Variants in NAALADL2 observed in about 807,000 individuals in gnomAD.
NAALADL2 encodes the protein N-acetylated alpha-linked acidic dipeptidase like 2, also known as inactive N-acetylated-alpha-linked acidic dipeptidase-like protein 2.
NAALADL2 carries 76 observed loss-of-function variants against 87.2 expected under a neutral mutation model. The ratio of observed to expected loss-of-function variants is 0.87; its 90% confidence interval spans 0.72 to 1.05. The LOEUF (loss-of-function observed/expected upper bound fraction) is 1.05. NAALADL2 is among the 50% of genes least tolerant of loss of function. NAALADL2 has a pLI of 0.00. For missense variants in NAALADL2, 1,089 were observed against 945.8 expected (o/e 1.15, Z -1.99); for synonymous variants, 354 against 331.0 (o/e 1.07, Z -0.75).
intron 11 of NAALADL2, among the ~76,000 whole-genome samples, chr3:175,671,275 A>G (rs1733973169): frequency 6.6e-6 from 1 of 151,840 alleles, no homozygotes; most frequent in African/African-American, 2.4e-5. Flanking sequence ...CCTCTAAACT[A>G]TTTTGTTGGA....
intron 4 of NAALADL2, among the ~76,000 whole-genome samples, chr3:175,285,884 T>A (rs1014228765): frequency 6.6e-6 from 1 of 152,146 alleles, no homozygotes; most frequent in African/African-American, 2.4e-5. Context: ...AGATAGTAAA[T>A]TTGATTAAGA....
intron 2 of NAALADL2, among the ~76,000 whole-genome samples, chr3:175,184,334 A>G (rs192668823): frequency 1.3e-5 from 2 of 152,286 alleles, no homozygotes; most frequent in Admixed American, 1.3e-4. Flanking sequence ...CTAAGTAAAT[A>G]TAAGATAGGG....
intron 2 of NAALADL2, among the ~76,000 whole-genome samples, chr3:174,642,360 G>C (rs1723285241): frequency 6.6e-6 from 1 of 151,870 alleles, no homozygotes; most frequent in East Asian, 2.0e-4. Context: ...AATTAGCCTG[G>C]CATGGTGGTA....
chr3:175,324,100 A>G (rs1342207862), intron 4 of NAALADL2, 75 bp from the exon 5 acceptor site: 1 of 1,136,076 alleles, frequency 8.8e-7, no homozygotes, highest in African/African-American at 1.6e-5. Flanking sequence ...TATCATAGCC[A>G]CATTGGCAAA....
intron 2 of NAALADL2, among the ~76,000 whole-genome samples, chr3:175,133,171 G>A (rs1343872771): frequency 5.9e-5 from 9 of 151,596 alleles, no homozygotes; most frequent in Non-Finnish European, 1.2e-4. Context: ...GATGGCCGCC[G>A]GGAAGAGGCG....
chr3:175,797,397 T>TA (rs1378565069), intron 13 of NAALADL2, among the ~76,000 whole-genome samples: 14 of 152,256 alleles, frequency 9.2e-5, no homozygotes, highest in African/African-American at 1.2e-4. Flanking sequence ...AATAAGATAG[T>TA]GATTTATTGA....
At chr3:175,076,469 A>G (rs1022684205) in intron 1 of NAALADL2, among the ~76,000 whole-genome samples, 1 of 152,138 alleles carries the variant, frequency 6.6e-6, no homozygotes, top group Non-Finnish European at 1.5e-5. Flanking sequence ...CTCGCTGGAC[A>G]CAACATTAAG....
At chr3:175,623,306 C>T (rs1225207180) in intron 10 of NAALADL2, among the ~76,000 whole-genome samples, 1 of 11,786 alleles carries the variant, frequency 8.5e-5, no homozygotes, top group African/African-American at 1.5e-4. Flanking sequence ...CCTAAAGGTT[C>T]TTTTATAAAT....
chr3:175,244,709 T>C (rs1747627075), intron 3 of NAALADL2, among the ~76,000 whole-genome samples: 1 of 152,196 alleles, frequency 6.6e-6, no homozygotes, highest in Admixed American at 6.5e-5. Context: ...ATGTACTTAC[T>C]GCCGTCTAAA....
intron 3 of NAALADL2, among the ~76,000 whole-genome samples, chr3:174,738,548 A>G (rs997780974): frequency 2.0e-5 from 3 of 152,208 alleles, no homozygotes; most frequent in African/African-American, 7.2e-5. Flanking sequence ...ACGGGGAAAG[A>G]GACTGTGCCT....
At chr3:175,767,815 C>G (rs1351652262) in intron 13 of NAALADL2, among the ~76,000 whole-genome samples, 2 of 152,130 alleles carry the variant, frequency 1.3e-5, no homozygotes, top group Admixed American at 6.6e-5. Flanking sequence ...CAGGCAACTT[C>G]CAGCAGCTCT....
At chr3:175,497,758 A>T (rs966617279) in intron 9 of NAALADL2, among the ~76,000 whole-genome samples, 1 of 152,156 alleles carries the variant, frequency 6.6e-6, no homozygotes, top group African/African-American at 2.4e-5. Context: ...CTTATTTTTA[A>T]AAATGCATAT....
At chr3:174,596,043 TAACAAAACACA>T (rs1457217446) in intron 2 of NAALADL2, among the ~76,000 whole-genome samples, 3 of 151,284 alleles carry the variant, frequency 2.0e-5, no homozygotes, top group South Asian at 4.2e-4. Flanking sequence ...CAAACAAAAA[TAACAAAACACA>T]AACAAAACAA....
intron 5 of NAALADL2, among the ~76,000 whole-genome samples, chr3:175,327,152 T>C (rs1048282443): frequency 2.8e-4 from 28 of 99,024 alleles, no homozygotes; most frequent in African/African-American, 8.9e-4. Flanking sequence ...ACATTTCTTT[T>C]TTTTTTTTTT....
At chr3:174,661,686 T>A (rs114923554) in intron 2 of NAALADL2, among the ~76,000 whole-genome samples, 1 of 152,154 alleles carries the variant, frequency 6.6e-6, no homozygotes, top group Non-Finnish European at 1.5e-5. Flanking sequence ...ATATTGAACA[T>A]TGTATCCATT....
At chr3:175,429,253 T>C (rs1355765638) in intron 5 of NAALADL2, among the ~76,000 whole-genome samples, 1 of 151,810 alleles carries the variant, frequency 6.6e-6, no homozygotes, top group Non-Finnish European at 1.5e-5. Flanking sequence ...TGTATTTTTT[T>C]AATTTCTCAA....
intron 1 of NAALADL2, among the ~76,000 whole-genome samples, chr3:174,523,802 G>A (rs1051680378): frequency 6.6e-6 from 1 of 152,042 alleles, no homozygotes; most frequent in African/African-American, 2.4e-5. Context: ...GCCAATTTGT[G>A]TTTAAATATT....
chr3:175,551,115 G>T (rs58497033), intron 9 of NAALADL2, among the ~76,000 whole-genome samples: 2,346 of 151,874 alleles, frequency 0.015, 75 homozygotes, highest in African/African-American at 0.054. Context: ...TTTCCTAGCT[G>T]AATTTTCTTA....
chr3:175,410,175 G>T (rs1713217450), intron 5 of NAALADL2, among the ~76,000 whole-genome samples: 1 of 152,128 alleles, frequency 6.6e-6, no homozygotes, highest in Non-Finnish European at 1.5e-5. Context: ...ACTAAATGTG[G>T]ACATAGTTAA....
Sources: gnomAD v4.1 joint callset for allele counts (sites outside exome capture counted in the v4.1 genomes callset) on GRCh38, gnomAD v4.1.1 for gene constraint, MANE v1.5 for transcripts, NCBI Gene and HGNC (gene_info 2026-07-23, HGNC 2026-07-21) for gene names.